The following SLIT3 variants were observed in gnomAD, a reference collection of about 807,000 sequenced individuals.
SLIT3 encodes the protein slit homolog 3 protein.
In SLIT3, 68 loss-of-function variants were observed where a neutral mutation model predicts 184.0. The ratio of observed to expected loss-of-function variants is 0.37; its 90% confidence interval spans 0.30 to 0.45. The LOEUF is 0.45. Among genes scored for constraint, SLIT3 ranks in the 20% least tolerant of loss-of-function variants. The pLI, the probability that SLIT3 is intolerant of heterozygous loss-of-function variation, is 1.00. For missense variants in SLIT3, 1,707 were observed against 2,026.0 expected, an observed-to-expected ratio of 0.84 and a Z score of 3.02; for synonymous variants, 831 against 828.6, an observed-to-expected ratio of 1.00 and a Z score of -0.05.
chr5:168,820,208 C>T (rs564615289), intron 7 of SLIT3, among the ~76,000 whole-genome samples: 7 of 152,254 alleles, frequency 4.6e-5, no homozygotes, highest in South Asian at 2.1e-4. Flanking sequence ...GTGACAGCAA[C>T]GACACAAGGG....
chr5:169,132,914 T>G (rs1215594632), intron 4 of SLIT3, among the ~76,000 whole-genome samples: 3 of 152,256 alleles, frequency 2.0e-5, no homozygotes, highest in Non-Finnish European at 4.4e-5. Context: ...AGGCATTTAT[T>G]TTTTTGAAAA....
intron 4 of SLIT3, among the ~76,000 whole-genome samples, chr5:169,153,846 T>A (rs902311310): frequency 2.6e-5 from 4 of 152,230 alleles, no homozygotes; most frequent in Admixed American, 2.0e-4. Flanking sequence ...TGCAGATGTC[T>A]TCCTTCGGCC....
chr5:168,907,164 A>AT lies in SLIT3; in HGVS notation c.414-23829dup, dbSNP rs552313655. Among the ~76,000 whole-genome samples, 282 of 152,170 alleles carry AT rather than the reference A, an allele frequency of 1.9e-3. 1 individual carries two copies. Among genetic ancestry groups the AT allele is most frequent in the African/African-American group, 6.0e-3 (249 of 41,536 alleles). On this transcript the variant is annotated intron_variant, in intron 4 of 35. Transcript: ENST00000519560. ...GCATGAACCACCGCGCCCAGCTGGGATTTTTTTATACTTTCTCACCAGTCT... is the reference window on the plus strand; with the variant it reads ...GCATGAACCACCGCGCCCAGCTGGGATTTTTTTTATACTTTCTCACCAGTCT...
intron 5 of SLIT3, among the ~76,000 whole-genome samples, chr5:168,864,465 C>T (rs1759227293): frequency 6.6e-6 from 1 of 152,192 alleles, no homozygotes; most frequent in Non-Finnish European, 1.5e-5. Context: ...CTAAACATCT[C>T]TGGGGACTTA....
chr5:168,691,729 A>G (rs955286644), intron 29 of SLIT3, among the ~76,000 whole-genome samples: 4 of 152,166 alleles, frequency 2.6e-5, no homozygotes, highest in African/African-American at 9.6e-5. Context: ...GGTGTTGGAC[A>G]GAGATTGCTG....
intron 4 of SLIT3, among the ~76,000 whole-genome samples, chr5:169,128,697 T>C (rs1389578102): frequency 2.0e-5 from 3 of 152,224 alleles, no homozygotes; most frequent in Non-Finnish European, 4.4e-5. Flanking sequence ...CCCAAAGTGT[T>C]GGGATTACAG....
chr5:168,781,729 G>A (rs1039151648), intron 12 of SLIT3, among the ~76,000 whole-genome samples: 1 of 152,208 alleles, frequency 6.6e-6, no homozygotes, highest in Non-Finnish European at 1.5e-5. Flanking sequence ...TTGATCCATT[G>A]AGAATTTCTT....
chr5:168,712,717 T>C (rs1238388444), intron 23 of SLIT3: 1 of 207,896 alleles, frequency 4.8e-6, no homozygotes, highest in African/African-American at 2.3e-5. Context: ...TACTGGAGTT[T>C]CAGAGATCAT....
chr5:168,805,357 AG>A (rs940405727), intron 9 of SLIT3, among the ~76,000 whole-genome samples: 11 of 152,098 alleles, frequency 7.2e-5, no homozygotes, highest in African/African-American at 2.2e-4. Context: ...GAAAGAAGAA[AG>A]GGGGGAGATT....
chr5:169,003,284 A>G (rs1755783334), intron 4 of SLIT3, among the ~76,000 whole-genome samples: 1 of 152,186 alleles, frequency 6.6e-6, no homozygotes, highest in African/African-American at 2.4e-5. Context: ...GGCTTGCAGA[A>G]TATGGGCCCT....
chr5:169,265,248 A>G (rs1407495987), intron 1 of SLIT3, among the ~76,000 whole-genome samples: 4 of 152,210 alleles, frequency 2.6e-5, no homozygotes, highest in African/African-American at 9.6e-5. Context: ...CCCACCGGTG[A>G]GTTCTGGCCT....
At chr5:168,970,551 C>T (rs1168762309) in intron 4 of SLIT3, among the ~76,000 whole-genome samples, 1 of 151,414 alleles carries the variant, frequency 6.6e-6, no homozygotes, top group East Asian at 1.9e-4. Context: ...CTCCTCTGAA[C>T]TAAAACAGTG....
chr5:169,234,721 T>C (rs1765134045), intron 3 of SLIT3, among the ~76,000 whole-genome samples: 1 of 152,182 alleles, frequency 6.6e-6, no homozygotes, highest in African/African-American at 2.4e-5. Context: ...AGCTTGTTCT[T>C]TGTAGACTCC....
chr5:169,273,022 A>C (rs1766682919), intron 1 of SLIT3, among the ~76,000 whole-genome samples: 1 of 152,120 alleles, frequency 6.6e-6, no homozygotes, highest in Non-Finnish European at 1.5e-5. Flanking sequence ...CAAGAAACCC[A>C]AGAATAAACT....
intron 6 of SLIT3, among the ~76,000 whole-genome samples, chr5:168,841,273 G>T (rs73805246): frequency 3.3e-5 from 5 of 152,170 alleles, no homozygotes; most frequent in African/African-American, 9.7e-5. Context: ...TAAAAGCAGG[G>T]TGAGGGTAAC....
intron 4 of SLIT3, among the ~76,000 whole-genome samples, chr5:168,900,695 G>A (rs748566867): frequency 1.9e-4 from 29 of 152,168 alleles, no homozygotes; most frequent in Non-Finnish European, 2.9e-4. Context: ...CAATAGTAAA[G>A]ATATGGAATC....
chr5:168,736,799 C>T (rs561059161), intron 20 of SLIT3, among the ~76,000 whole-genome samples: 126 of 152,338 alleles, frequency 8.3e-4, no homozygotes, highest in Non-Finnish European at 1.6e-3. Flanking sequence ...GGGCAGAACA[C>T]ATAGGGACCT....
chr5:168,703,187 C>T (rs909079133), intron 26 of SLIT3, among the ~76,000 whole-genome samples: 2 of 151,572 alleles, frequency 1.3e-5, no homozygotes, highest in Non-Finnish European at 2.9e-5. Context: ...TTGTGGTGCT[C>T]CTTGGTCCTC....
At chr5:169,213,161 A>T (rs878937868) in intron 3 of SLIT3, among the ~76,000 whole-genome samples, 1 of 152,096 alleles carries the variant, frequency 6.6e-6, no homozygotes, top group African/African-American at 2.4e-5. Context: ...ATTCCTATAC[A>T]CCAATAACAG....
Sources: allele counts gnomAD v4.1 joint callset (sites outside exome capture counted in the v4.1 genomes callset), GRCh38; gene constraint gnomAD v4.1.1; transcripts MANE v1.5; gene names NCBI Gene and HGNC (gene_info 2026-07-23, HGNC 2026-07-21).